PIEZO2: variants seen among roughly 807,000 people sequenced by gnomAD.
PIEZO2 encodes the protein piezo type mechanosensitive ion channel component 2.
A neutral mutation model predicts 337.3 loss-of-function variants in PIEZO2; 172 were observed. The ratio of observed to expected loss-of-function variants is 0.51; its 90% CI spans 0.45 to 0.58. The LOEUF (loss-of-function observed/expected upper bound fraction) is 0.58. PIEZO2 is among the 20% of genes least tolerant of loss of function. The probability of loss-of-function intolerance (pLI) is 0.00; values close to 1 mark genes in which losing one functional copy is unlikely to be tolerated. For synonymous variants in PIEZO2, 1,251 were observed against 1,228.5 expected, an observed-to-expected ratio of 1.02 and a Z score of -0.38; for missense variants, 3,028 against 3,391.3, an observed-to-expected ratio of 0.89 and a Z score of 2.66.
chr18:10,890,736 G>A (rs940810290), intron 4 of PIEZO2: 8 of 151,626 alleles, frequency 5.3e-5, no homozygotes, highest in African/African-American at 2.0e-4. Flanking sequence ...TACGGCTCAA[G>A]ATGAGATCTG....
chr18:11,033,146 C>T lies in PIEZO2; in HGVS notation c.160+32981G>A, dbSNP rs148019484. ...CATTTACCGTGAGCCCAACACATTA[C>T]GTCATTGAGTCCTCTCTACAACACA... On this transcript the variant is annotated intron_variant, in intron 2 of 55. Coordinates refer to ENST00000674853, the MANE Select transcript of PIEZO2 (RefSeq NM_001378183.1). The surrounding 1 kb of genome is among the most constrained non-coding windows in gnomAD (Gnocchi z 4.2). 3.6e-4 allele frequency among the ~76,000 whole-genome samples: 55 copies of T among 152,330 alleles called. No homozygotes were observed. The highest frequency in any genetic ancestry group is 1.3e-3 in the African/African-American group (55 of 41,576).
chr18:10,718,220 T>C lies in PIEZO2; in HGVS notation c.5069A>G (p.Lys1690Arg), dbSNP rs562589649. 1 of 1,537,130 alleles carries C rather than the reference T, an allele frequency of 6.5e-7. No homozygotes were observed. The highest frequency in any genetic ancestry group is 1.4e-5 in the African/African-American group (1 of 73,184). ...GTTACCTGGTCCATCGGATTTCTTT[T>C]TGATTGGTTCATCCTCCCGGTCTTC... Reference protein sequence around the residue: ...EWEDREDEPIKKKSDGPDNII... With the variant: ...EWEDREDEPIRKKSDGPDNII... Residue 1690 changes from lysine (K) to arginine (R), a missense_variant, in exon 37 of 56, where the codon AAA becomes AGA. By Grantham distance (26) the Lys-to-Arg change is conservative (BLOSUM62 2). This residue lies in a region of PIEZO2 where 1,925 missense variants were observed against 2,051.9 expected (regional missense o/e 0.94). Transcript: ENST00000674853.
Position 11,024,813 on chromosome 18 carries a change from A to T in PIEZO2, c.160+41314T>A, listed in dbSNP as rs1005729482. ...GCCACCATACCTGGCTAATTTTTAT[A>T]TTTTTAGTAGAGATGGGGTTTCACC... On this transcript the variant is annotated intron_variant, in intron 2 of 55. Coordinates refer to ENST00000674853, the MANE Select transcript of PIEZO2 (RefSeq NM_001378183.1). 9.2e-5 allele frequency among the ~76,000 whole-genome samples: 14 copies of T among 151,676 alleles called. 1 individual carries two copies. The highest frequency in any genetic ancestry group is 8.5e-4 in the Admixed American group (13 of 15,232).
At position 10,757,849 on chromosome 18, in the gene PIEZO2, C is replaced by T. The variant is rs1006616777; in HGVS notation, c.3923+120G>A. On this transcript the variant is annotated intron_variant, in intron 27 of 55. Transcript: ENST00000674853. The stretch of plus-strand genomic sequence containing the variant: ...AACCACATTGTCCAGCATTTATTAA[C>T]TTCAGTGTATACAATTCAGCAGATC... The T allele has an allele frequency of 1.5e-5, 16 of 1,091,892 alleles. No individual in the cohort carries two copies. In the Admixed American group the frequency reaches 2.9e-4, roughly 20 times the overall value. The allele number at this position is 1,091,892 out of a possible 1,614,324, so 67.6% of individuals were successfully genotyped here.
chr18:11,020,414 C>T (rs1011336866), intron 2 of PIEZO2, among the ~76,000 whole-genome samples: 1 of 152,132 alleles, frequency 6.6e-6, no homozygotes, highest in African/African-American at 2.4e-5. Flanking sequence ...ACAATTACTT[C>T]CTGTCATTAG....
rs1384203858 is a variant in PIEZO2, at chr18:11,086,000, A to C, written c.65-19778T>G. Among the ~76,000 whole-genome samples the C allele has an allele frequency of 2.0e-5, 3 of 152,276 alleles. No homozygotes were observed. In the East Asian group the frequency reaches 5.8e-4, roughly 29 times the overall value. ...TAATCCTCCTTCATTTCCAGCATCG[A>C]GTACAATATCCTGACAGAGTGAGTC... On this transcript the variant is annotated intron_variant, in intron 1 of 55. Transcript: ENST00000674853.
At chr18:11,145,536 T>C (rs2040788323) in intron 1 of PIEZO2, among the ~76,000 whole-genome samples, 1 of 152,202 alleles carries the variant, frequency 6.6e-6, no homozygotes, top group Non-Finnish European at 1.5e-5. Flanking sequence ...AGGCTGCCTT[T>C]TCCAGATATA....
At position 10,800,336 on chromosome 18, in the gene PIEZO2, C is replaced by T. The variant is rs1360897161; in HGVS notation, c.1378+1G>A. On this transcript the variant is annotated splice_donor_variant, in intron 11 of 55. Coordinates refer to ENST00000674853, the MANE Select transcript of PIEZO2 (RefSeq NM_001378183.1). LOFTEE classifies it high-confidence loss of function. ...ACCCTGAGTGCAGGGCTGGCTCCTA[C>T]CTGAGGATTCATCAGAGGGCTCCCA... 5.9e-6 allele frequency: 9 copies of T among 1,534,052 alleles called. No homozygotes were observed. The highest frequency in any genetic ancestry group is 7.9e-6 in the Non-Finnish European group (9 of 1,145,522).
intron 4 of PIEZO2, 69 bp from the exon 5 acceptor site, chr18:10,871,484 T>C: frequency 2.2e-6 from 3 of 1,370,116 alleles, no homozygotes; most frequent in South Asian, 1.4e-5. Context: ...AACTGCCTTA[T>C]AGGATGTTTT....
rs1381010819 is a variant in PIEZO2, at chr18:10,962,375, T to C, written c.286+17160A>G. ...ACAGCCTCATACTCACAACTGGCAT[T>C]TTCCTTCCACACTTTCTCAATTGTC... On this transcript the variant is annotated intron_variant, in intron 3 of 55. Transcript: ENST00000674853. The surrounding 1 kb of genome is among the most constrained non-coding windows in gnomAD (Gnocchi z 4.1). 6.6e-6 allele frequency among the ~76,000 whole-genome samples: 1 copy of C among 152,138 alleles called. No individual in the cohort carries two copies. The highest frequency in any genetic ancestry group is 1.5e-5 in the Non-Finnish European group (1 of 68,018).
rs3034956 is a variant in PIEZO2 at position 10,766,251 on chromosome 18, GGAAGAA to G, written c.2947-3159_2947-3154del. On this transcript the variant is annotated intron_variant, in intron 21 of 55. Transcript: ENST00000674853. The surrounding 1 kb of genome is among the most constrained non-coding windows in gnomAD (Gnocchi z 6.1). ...GGAACAGGAGGAGGAGGAGGGATAA[GGAAGAA>G]GAAGAGGAAGGAGAAAAGGGGAGAG... 6.7e-6 allele frequency among the ~76,000 whole-genome samples: 1 copy of G among 149,280 alleles called. No individual in the cohort carries two copies. The highest frequency in any genetic ancestry group is 2.5e-5 in the African/African-American group (1 of 40,256).
intron 1 of PIEZO2, among the ~76,000 whole-genome samples, chr18:11,100,866 A>G (rs1448106221): frequency 6.6e-6 from 1 of 152,180 alleles, no homozygotes; most frequent in Non-Finnish European, 1.5e-5. Context: ...AAGTGCTGGG[A>G]TTACAGGCAT....
Position 11,001,836 on chromosome 18 carries a change from C to G in PIEZO2, c.161-22176G>C, listed in dbSNP as rs546715086. On this transcript the variant is annotated intron_variant, in intron 2 of 55. Coordinates refer to ENST00000674853, the MANE Select transcript of PIEZO2 (RefSeq NM_001378183.1). This position sits in a 1 kb window ranked among gnomAD's most constrained non-coding sequence, Gnocchi z 5.3. ...GAGGTTGCAGTGAGCTCAGATTGCA[C>G]CACTGTACTCCAGCCTGGGTGATAG... Among the ~76,000 whole-genome samples the G allele has an allele frequency of 2.7e-5, 4 of 150,752 alleles. No homozygotes were observed. Among genetic ancestry groups the G allele is most frequent in the Non-Finnish European group, 5.9e-5 (4 of 67,902 alleles).
At chr18:10,694,529 G>A (rs2034998491) in intron 47 of PIEZO2, among the ~76,000 whole-genome samples, 1 of 152,142 alleles carries the variant, frequency 6.6e-6, no homozygotes, top group East Asian at 1.9e-4. Context: ...ACCTGAGGAT[G>A]TTTAAAATAG....
At position 11,083,833 on chromosome 18, in the gene PIEZO2, A is replaced by G. The variant is rs1456724483; in HGVS notation, c.65-17611T>C. Among the ~76,000 whole-genome samples, 1 of 152,218 alleles carries G rather than the reference A, an allele frequency of 6.6e-6. No individual in the cohort carries two copies. The highest frequency in any genetic ancestry group is 1.5e-5 in the Non-Finnish European group (1 of 68,048). On this transcript the variant is annotated intron_variant, in intron 1 of 55. Coordinates refer to ENST00000674853, the MANE Select transcript of PIEZO2 (RefSeq NM_001378183.1). The surrounding 1 kb of genome is among the most constrained non-coding windows in gnomAD (Gnocchi z 4.4). The stretch of plus-strand genomic sequence containing the variant: ...CTGTATACTTGTTTGATATCAAAAC[A>G]ACCAGTCTCTTTAGTCAATTTTAAT...
intron 7 of PIEZO2, among the ~76,000 whole-genome samples, chr18:10,839,777 A>T (rs1598563287): frequency 6.6e-6 from 1 of 151,786 alleles, no homozygotes; most frequent in South Asian, 2.1e-4. Flanking sequence ...AAGGAGTATC[A>T]TTTTTTTTTA....
intron 3 of PIEZO2, among the ~76,000 whole-genome samples, chr18:10,911,612 G>T (rs1190842633): frequency 6.6e-6 from 1 of 152,174 alleles, no homozygotes; most frequent in Non-Finnish European, 1.5e-5. Context: ...AAAATTAGCC[G>T]GGCATGGTGG....
At chr18:10,692,289 G>A (rs2034882047) in intron 47 of PIEZO2, among the ~76,000 whole-genome samples, 1 of 152,186 alleles carries the variant, frequency 6.6e-6, no homozygotes, top group African/African-American at 2.4e-5. Context: ...CTTAAACATG[G>A]TCAGTACAGA....
At chr18:11,056,110 TG>T (rs2037725425) in intron 2 of PIEZO2, among the ~76,000 whole-genome samples, 1 of 152,068 alleles carries the variant, frequency 6.6e-6, no homozygotes, top group Non-Finnish European at 1.5e-5. Flanking sequence ...GCTCTTGCAG[TG>T]GGGGCCTCAG....
Sources: allele counts gnomAD v4.1 joint callset (sites outside exome capture counted in the v4.1 genomes callset), GRCh38; gene constraint gnomAD v4.1.1; regional missense constraint gnomAD v4.1.1; non-coding constraint Gnocchi (gnomAD v3.1); transcripts MANE v1.5; gene names NCBI Gene and HGNC (gene_info 2026-07-23, HGNC 2026-07-21).